The following TMTC1 variants were observed in gnomAD, a reference collection of about 807,000 sequenced individuals.
TMTC1 encodes transmembrane O-mannosyltransferase targeting cadherins 1.
TMTC1 carries 73 observed loss-of-function variants against 104.8 expected under a neutral mutation model. The observed-to-expected ratio is 0.70, with a 90% CI of 0.58 to 0.85. The LOEUF (loss-of-function observed/expected upper bound fraction) is 0.85. Among genes scored for constraint, TMTC1 ranks in the 40% least tolerant of loss-of-function variants. TMTC1 has a pLI of 0.00. For missense variants in TMTC1, 1,035 were observed against 1,096.1 expected (o/e 0.94, Z 0.79); for synonymous variants, 434 against 428.7 (o/e 1.01, Z -0.15).
At chr12:29,754,337 A>T (rs1236948089) in intron 4 of TMTC1, among the ~76,000 whole-genome samples, 1 of 152,224 alleles carries the variant, frequency 6.6e-6, no homozygotes, top group Admixed American at 6.5e-5. Flanking sequence ...GACTACATGA[A>T]GAAGAAAGAA....
chr12:29,737,766 C>G (rs1418715625), intron 5 of TMTC1, among the ~76,000 whole-genome samples: 1 of 152,136 alleles, frequency 6.6e-6, no homozygotes, highest in African/African-American at 2.4e-5. Flanking sequence ...TCCTGCTGAG[C>G]GAATGATATG....
chr12:29,570,511 A>G (rs1945637647), intron 9 of TMTC1, among the ~76,000 whole-genome samples: 1 of 152,222 alleles, frequency 6.6e-6, no homozygotes, highest in African/African-American at 2.4e-5. Context: ...TATTTGGGAA[A>G]ATATTTGATA....
At chr12:29,566,033 A>G (rs1252753445) in intron 9 of TMTC1, among the ~76,000 whole-genome samples, 1 of 152,170 alleles carries the variant, frequency 6.6e-6, no homozygotes, top group Non-Finnish European at 1.5e-5. Flanking sequence ...ACGATAGGTG[A>G]GTAGAGCGGA....
chr12:29,742,384 C>A lies in TMTC1; in HGVS notation c.938+9282G>T, dbSNP rs147620640. Among the ~76,000 whole-genome samples, 46 of 152,262 alleles carry A rather than the reference C, an allele frequency of 3.0e-4. 1 individual carries two copies. In the East Asian group the frequency reaches 8.3e-3, roughly 27 times the overall value. ...ATAGGTTAAATCACTAAGGGCAAATCTTTAATGACAGGTCGCTCATGAAGA... is the reference window on the plus strand; with the variant it reads ...ATAGGTTAAATCACTAAGGGCAAATATTTAATGACAGGTCGCTCATGAAGA... On this transcript the variant is annotated intron_variant, in intron 5 of 17. Transcript: ENST00000539277.
chr12:29,608,059 T>A (rs1946749124), intron 6 of TMTC1, among the ~76,000 whole-genome samples: 1 of 152,218 alleles, frequency 6.6e-6, no homozygotes, highest in Non-Finnish European at 1.5e-5. Context: ...ATTAAATGGA[T>A]GACAATACGC....
intron 7 of TMTC1, among the ~76,000 whole-genome samples, chr12:29,587,182 G>A: frequency 6.6e-6 from 1 of 152,108 alleles, no homozygotes; most frequent in Non-Finnish European, 1.5e-5. Context: ...AAGTGTCGAG[G>A]AATTTATCCA....
chr12:29,726,919 T>C (rs947573306), intron 5 of TMTC1, among the ~76,000 whole-genome samples: 2 of 152,232 alleles, frequency 1.3e-5, no homozygotes, highest in African/African-American at 4.8e-5. Context: ...TAAGAGATAA[T>C]GAATTATGTA....
intron 6 of TMTC1, among the ~76,000 whole-genome samples, chr12:29,612,453 C>T (rs773031430): frequency 4.6e-5 from 7 of 152,118 alleles, no homozygotes; most frequent in Non-Finnish European, 8.8e-5. Context: ...CTTGCTCTGT[C>T]GCCCAGGCTG....
chr12:29,583,309 TA>T (rs1946033934), intron 8 of TMTC1, 97 bp downstream of exon 8: 1 of 1,143,550 alleles, frequency 8.7e-7, no homozygotes, highest in Non-Finnish European at 1.2e-6. Context: ...TTTTCCTTAG[TA>T]AATACTGCCA....
rs1007785305 is a variant in TMTC1 at position 29,505,115 on chromosome 12, T to G, written c.*1731A>C. ...TTCAAATTCTGTAATCATTTTCATT[T>G]AAAATACTCCCTTCGCCATGCCTTC... On this transcript the variant is annotated 3_prime_UTR_variant, in exon 18 of 18. Transcript: ENST00000539277. The G allele has an allele frequency of 6.6e-6, 1 of 152,234 alleles. No homozygotes were observed. Among genetic ancestry groups the G allele is most frequent in the African/African-American group, 2.4e-5 (1 of 41,456 alleles). 9.4% of individuals were successfully genotyped at this position (152,234 alleles called of 1,614,324 possible).
At chr12:29,745,161 C>A (rs769901378) in intron 5 of TMTC1, among the ~76,000 whole-genome samples, 10 of 152,210 alleles carry the variant, frequency 6.6e-5, no homozygotes, top group Middle Eastern at 6.8e-3. Context: ...CACCGCCATT[C>A]ATTTACCCTT....
chr12:29,613,883 C>G, intron 6 of TMTC1: 1 of 930,068 alleles, frequency 1.1e-6, no homozygotes, highest in Non-Finnish European at 1.3e-6. Context: ...AAATGTTTTA[C>G]TTTTTCACAA....
chr12:29,606,295 G>C (rs1565704739), intron 6 of TMTC1, among the ~76,000 whole-genome samples: 1 of 152,122 alleles, frequency 6.6e-6, no homozygotes, highest in Non-Finnish European at 1.5e-5. Flanking sequence ...ACTTATTTCT[G>C]CAGTGGCTGA....
intron 5 of TMTC1, among the ~76,000 whole-genome samples, chr12:29,715,674 G>C (rs1306158020): frequency 3.3e-5 from 5 of 152,032 alleles, no homozygotes; most frequent in Admixed American, 2.6e-4. Context: ...CCCAAGACTG[G>C]GTAATTTATA....
intron 5 of TMTC1, among the ~76,000 whole-genome samples, chr12:29,691,933 C>A (rs1485344697): frequency 6.9e-6 from 1 of 144,472 alleles, no homozygotes; most frequent in Non-Finnish European, 1.5e-5. Context: ...AAGACCTTAA[C>A]AAATCGAAGA....
At chr12:29,636,273 T>C (rs563754562) in intron 5 of TMTC1, among the ~76,000 whole-genome samples, 108 of 152,320 alleles carry the variant, frequency 7.1e-4, no homozygotes, top group Non-Finnish European at 1.3e-3. Context: ...CTCTACTTTT[T>C]AACTAGGGAA....
At chr12:29,585,133 T>C (rs1210653929) in intron 7 of TMTC1, among the ~76,000 whole-genome samples, 1 of 148,934 alleles carries the variant, frequency 6.7e-6, no homozygotes, top group South Asian at 2.1e-4. Context: ...ATCGCCATTC[T>C]AACTGGTGTG....
In TMTC1 at chr12:29,615,973, G is replaced by A. The variant is rs16934633; in HGVS notation, c.1129-11674C>T. On this transcript the variant is annotated intron_variant, in intron 6 of 17. Coordinates refer to ENST00000539277, the MANE Select transcript of TMTC1 (RefSeq NM_001193451.2). ...TCAAAGTTGATACTTCCCAAAGCAC[G>A]TTGCAAGAACATTTATCCACAAGAA... Among the ~76,000 whole-genome samples the A allele has an allele frequency of 4.3e-3, 647 of 152,202 alleles. 3 individuals carry two copies. Among genetic ancestry groups the A allele is most frequent in the South Asian group, 0.023 (111 of 4,822 alleles).
At chr12:29,684,221 T>C (rs1941019604) in intron 5 of TMTC1, among the ~76,000 whole-genome samples, 1 of 152,196 alleles carries the variant, frequency 6.6e-6, no homozygotes, top group Non-Finnish European at 1.5e-5. Flanking sequence ...TTTTCCATTT[T>C]TGCTTTTTCT....
Sources: gnomAD v4.1 joint callset for allele counts (sites outside exome capture counted in the v4.1 genomes callset) on GRCh38, gnomAD v4.1.1 for gene constraint, MANE v1.5 for transcripts, NCBI Gene and HGNC (gene_info 2026-07-23, HGNC 2026-07-21) for gene names.